DYTN: variants seen among roughly 807,000 people sequenced by gnomAD.
The protein encoded by DYTN is dystrotelin.
In DYTN, 75 loss-of-function variants were observed where a neutral mutation model predicts 69.6. The ratio of observed to expected loss-of-function variants is 1.08; its 90% CI spans 0.89 to 1.31. The LOEUF is 1.31. Ranked by LOEUF, DYTN falls within the 50% of genes most tolerant of loss-of-function variation. The probability of loss-of-function intolerance (pLI) is 0.00; values close to 1 mark genes in which losing one functional copy is unlikely to be tolerated. For missense variants in DYTN, 726 were observed against 688.4 expected (o/e 1.05, Z -0.61); for synonymous variants, 252 against 249.1 (o/e 1.01, Z -0.11).
intron 4 of DYTN, 98 bp from the exon 5 acceptor site, chr2:206,705,041 G>T (rs1367974498): frequency 3.2e-6 from 3 of 943,332 alleles, no homozygotes; most frequent in Non-Finnish European, 4.9e-6. Context: ...GGCTATGAAA[G>T]GAAAGAGAAG....
chr2:206,690,125 G>A (rs1468637815), intron 9 of DYTN, among the ~76,000 whole-genome samples: 1 of 152,186 alleles, frequency 6.6e-6, no homozygotes, highest in Non-Finnish European at 1.5e-5. Flanking sequence ...GAAAGTGGTT[G>A]AATGGTAAAT....
At chr2:206,685,600 C>A (rs1025518971) in intron 9 of DYTN, among the ~76,000 whole-genome samples, 2 of 152,004 alleles carry the variant, frequency 1.3e-5, no homozygotes, top group African/African-American at 4.8e-5. Flanking sequence ...GGCTTCAGGT[C>A]AAAAAACCCT....
In DYTN at chr2:206,665,729, G is replaced by A. The variant is rs1699562948; in HGVS notation, c.1140+141C>T. 20 of 942,588 alleles carry A rather than the reference G, an allele frequency of 2.1e-5. No individual in the cohort carries two copies. The South Asian group carries it at 3.8e-4, about 18-fold the overall frequency. 58.4% of individuals were successfully genotyped at this position (942,588 alleles called of 1,614,324 possible). A position where few individuals can be genotyped will look rare whatever the true frequency, so the allele number is the denominator to read the frequency against. ...AGGGATAGGATATAGCCTGGATGAGGAAATGGGAGGTCAGGGTACGGGGAG... is the reference window on the plus strand; with the variant it reads ...AGGGATAGGATATAGCCTGGATGAGAAAATGGGAGGTCAGGGTACGGGGAG... On this transcript the variant is annotated intron_variant, in intron 10 of 11. Coordinates refer to ENST00000452335, the MANE Select transcript of DYTN (RefSeq NM_001093730.1).
intron 2 of DYTN, 92 bp downstream of exon 2, chr2:206,710,432 C>T: frequency 8.3e-7 from 1 of 1,204,682 alleles, no homozygotes; most frequent in Non-Finnish European, 1.2e-6. Flanking sequence ...CAGTAGTCAG[C>T]TGCATGGGGG....
Position 206,696,775 on chromosome 2 carries a change from G to GA in DYTN, c.720-1899dup, listed in dbSNP as rs536112061. Among the ~76,000 whole-genome samples the GA allele has an allele frequency of 2.6e-5, 4 of 152,246 alleles. No individual in the cohort carries two copies. In the East Asian group the frequency reaches 7.7e-4, roughly 29 times the overall value. ...AATAGACCACCACTCCTCAAGGCAG[G>GA]AGGCTTGAGTTTGAATTCACATACC... On this transcript the variant is annotated intron_variant, in intron 7 of 11. Transcript: ENST00000452335.
At chr2:206,679,730 T>C (rs1184614462) in intron 9 of DYTN, among the ~76,000 whole-genome samples, 1 of 152,220 alleles carries the variant, frequency 6.6e-6, no homozygotes, top group African/African-American at 2.4e-5. Flanking sequence ...CATAACATTA[T>C]GCTTTCTACA....
rs1004186876 is a variant in DYTN, at chr2:206,704,454, G to A, written c.483+389C>T. ...GTGTAAGGAAAAATTAAATACTTTG[G>A]AATAAGCAAAAGAGACTATTGGATA... On this transcript the variant is annotated intron_variant, in intron 5 of 11. Transcript: ENST00000452335. Among the ~76,000 whole-genome samples, 6 of 152,248 alleles carry A rather than the reference G, an allele frequency of 3.9e-5. 1 individual carries two copies. The Middle Eastern group carries it at 0.01, about 259-fold the overall frequency.
At chr2:206,692,164 C>T (rs1437567039) in intron 9 of DYTN, among the ~76,000 whole-genome samples, 1 of 151,272 alleles carries the variant, frequency 6.6e-6, no homozygotes, top group East Asian at 1.9e-4. Context: ...GCCTGGGAGG[C>T]TGAGGTGGGA....
At chr2:206,709,256 C>T (rs577833475) in intron 2 of DYTN, among the ~76,000 whole-genome samples, 22 of 151,886 alleles carry the variant, frequency 1.4e-4, no homozygotes, top group Admixed American at 9.2e-4. Flanking sequence ...AAGACCAGCC[C>T]GGGCAACATG....
chr2:206,678,784 A>G (rs149335375), intron 9 of DYTN, among the ~76,000 whole-genome samples: 4 of 152,298 alleles, frequency 2.6e-5, no homozygotes, highest in Non-Finnish European at 5.9e-5. Flanking sequence ...TTGCCATTTT[A>G]ATTTTGTTCT....
chr2:206,705,980 T>C, intron 3 of DYTN, 107 bp from the exon 4 acceptor site: 1 of 1,269,054 alleles, frequency 7.9e-7, no homozygotes, highest in Non-Finnish European at 1.1e-6. Flanking sequence ...GATATGGTGC[T>C]ATAAGTTCCA....
At chr2:206,703,851 C>A (rs190681279) in intron 5 of DYTN, among the ~76,000 whole-genome samples, 98 of 152,292 alleles carry the variant, frequency 6.4e-4, no homozygotes, top group African/African-American at 2.2e-3. Context: ...AGAATGGAGA[C>A]ATCCTTCAAA....
intron 9 of DYTN, among the ~76,000 whole-genome samples, chr2:206,683,985 T>C (rs1323907827): frequency 6.6e-6 from 1 of 152,152 alleles, no homozygotes; most frequent in African/African-American, 2.4e-5. Flanking sequence ...TACTTAAATA[T>C]TTTAACATAT....
At chr2:206,671,103 C>G (rs1699624997) in intron 9 of DYTN, among the ~76,000 whole-genome samples, 1 of 152,168 alleles carries the variant, frequency 6.6e-6, no homozygotes, top group South Asian at 2.1e-4. Flanking sequence ...GAACTGCAAC[C>G]CCAGGACAAG....
intron 2 of DYTN, 125 bp from the exon 3 acceptor site, chr2:206,707,628 G>A: frequency 5.6e-6 from 5 of 893,614 alleles, no homozygotes; most frequent in Non-Finnish European, 8.5e-6. Flanking sequence ...CTTTTAAGGG[G>A]AATGAAATAT....
At chr2:206,700,077 T>A in intron 6 of DYTN, 68 bp downstream of exon 6, 1 of 1,595,668 alleles carries the variant, frequency 6.3e-7, no homozygotes, top group Non-Finnish European at 8.6e-7. Context: ...GTAATGTAAA[T>A]CAGTCAGCAA....
At chr2:206,691,205 G>T (rs1388286373) in intron 9 of DYTN, among the ~76,000 whole-genome samples, 2 of 152,128 alleles carry the variant, frequency 1.3e-5, no homozygotes, top group Non-Finnish European at 2.9e-5. Flanking sequence ...TTGAGGTCAG[G>T]AGATCAAGAC....
chr2:206,699,935 G>C, intron 6 of DYTN, 45 bp from the exon 7 acceptor site: 1 of 1,583,998 alleles, frequency 6.3e-7, no homozygotes, highest in Non-Finnish European at 8.6e-7. Context: ...GGCACGACTT[G>C]ATATTTTCAT....
At chr2:206,664,414 C>T (rs748406302) in intron 10 of DYTN, among the ~76,000 whole-genome samples, 1 of 152,030 alleles carries the variant, frequency 6.6e-6, no homozygotes, top group African/African-American at 2.4e-5. Context: ...CCCAGCACTT[C>T]GGGAGGTAGA....
Sources: allele counts gnomAD v4.1 joint callset (sites outside exome capture counted in the v4.1 genomes callset), GRCh38; gene constraint gnomAD v4.1.1; transcripts MANE v1.5; gene names NCBI Gene and HGNC (gene_info 2026-07-23, HGNC 2026-07-21).